VEPH1: variants seen among roughly 807,000 people sequenced by gnomAD.
The protein encoded by VEPH1 is ventricular zone expressed PH domain containing 1.
A neutral mutation model predicts 85.2 loss-of-function variants in VEPH1; 80 were observed. The ratio of observed to expected loss-of-function variants is 0.94; its 90% confidence interval spans 0.78 to 1.13. The LOEUF (loss-of-function observed/expected upper bound fraction) is 1.13. Among genes scored for constraint, VEPH1 ranks in the 50% most tolerant of loss-of-function variants. The pLI is 0.00. For missense variants in VEPH1, 955 were observed against 980.5 expected (o/e 0.97, Z 0.35); for synonymous variants, 297 against 348.0 (o/e 0.85, Z 1.63).
rs377498015 is a variant in VEPH1 at position 157,470,306 on chromosome 3, T to A, written c.354+8A>T. 1 of 1,613,840 alleles carries A rather than the reference T, an allele frequency of 6.2e-7. No homozygotes were observed. Among genetic ancestry groups the A allele is most frequent in the Non-Finnish European group, 8.5e-7 (1 of 1,179,892 alleles). Reference sequence around the variant, plus strand: ...TATCAAATAGCCTGATGTTGAACACTGACATACCTGTAAAATGCAACTCAT... The same window carrying A: ...TATCAAATAGCCTGATGTTGAACACAGACATACCTGTAAAATGCAACTCAT... On this transcript the variant is annotated splice_region_variant and intron_variant, in intron 3 of 13. Coordinates refer to ENST00000362010, the MANE Select transcript of VEPH1 (RefSeq NM_001167912.2).
intron 7 of VEPH1, among the ~76,000 whole-genome samples, chr3:157,368,596 A>C (rs1288939257): frequency 6.6e-6 from 1 of 151,868 alleles, no homozygotes; most frequent in Non-Finnish European, 1.5e-5. Flanking sequence ...GGTTCATGCC[A>C]TTCTCCCACC....
intron 11 of VEPH1, 143 bp from the exon 12 acceptor site, chr3:157,286,817 T>G: frequency 1.5e-6 from 1 of 672,800 alleles, no homozygotes; most frequent in Non-Finnish European, 2.5e-6. Flanking sequence ...TTGAAAAAAT[T>G]TCTCTTGGCC....
chr3:157,389,619 A>G (rs1406306283), intron 6 of VEPH1, among the ~76,000 whole-genome samples: 1 of 150,016 alleles, frequency 6.7e-6, no homozygotes, highest in Non-Finnish European at 1.5e-5. Context: ...AAATAGATGG[A>G]TAGGTAAGCA....
chr3:157,341,785 G>A (rs2108650969), intron 9 of VEPH1, among the ~76,000 whole-genome samples: 1 of 152,018 alleles, frequency 6.6e-6, no homozygotes, highest in Middle Eastern at 3.4e-3. Context: ...GAAAGGTCGG[G>A]TTACCCACAA....
At chr3:157,466,388 T>G (rs11709669) in intron 3 of VEPH1, among the ~76,000 whole-genome samples, 60,687 of 151,934 alleles carry the variant, frequency 0.4, 12,394 homozygotes, top group African/African-American at 0.46. Context: ...CACCACCAAT[T>G]GGAAGTACTA....
chr3:157,363,831 A>G, intron 8 of VEPH1, 70 bp from the exon 9 acceptor site: 1 of 1,533,500 alleles, frequency 6.5e-7, no homozygotes. Context: ...AGAAATAATA[A>G]TAATATTGGG....
rs144523199 is a variant in VEPH1 at position 157,460,172 on chromosome 3, G to A, written c.529+9C>T. 73 of 1,614,058 alleles carry A rather than the reference G, an allele frequency of 4.5e-5. No individual in the cohort carries two copies. Among genetic ancestry groups the A allele is most frequent in the Admixed American group, 3.2e-4 (19 of 60,010 alleles). ...AAACATGTCCCCAAGCTCAACTTTC[G>A]CACCATACCTTGGAGTATGCTCTTT... On this transcript the variant is annotated intron_variant, in intron 4 of 13. Coordinates refer to ENST00000362010, the MANE Select transcript of VEPH1 (RefSeq NM_001167912.2).
chr3:157,289,079 C>G (rs1717149513), intron 11 of VEPH1, among the ~76,000 whole-genome samples: 1 of 151,994 alleles, frequency 6.6e-6, no homozygotes, highest in African/African-American at 2.4e-5. Context: ...GGATACAATC[C>G]ATATTAAAAT....
intron 11 of VEPH1, among the ~76,000 whole-genome samples, chr3:157,295,841 G>C (rs1178053339): frequency 6.6e-6 from 1 of 152,142 alleles, no homozygotes; most frequent in East Asian, 1.9e-4. Context: ...TGTCGTCCCA[G>C]CTACCCAGGA....
intron 10 of VEPH1, among the ~76,000 whole-genome samples, chr3:157,315,054 A>G (rs914436263): frequency 7.9e-5 from 12 of 152,116 alleles, no homozygotes; most frequent in African/African-American, 2.9e-4. Context: ...AATGTGATAT[A>G]AAGGATCCTT....
intron 2 of VEPH1, among the ~76,000 whole-genome samples, chr3:157,484,871 C>T (rs1468861419): frequency 6.6e-6 from 1 of 152,048 alleles, no homozygotes; most frequent in African/African-American, 2.4e-5. Context: ...CAAGAGAGTC[C>T]TATACAGGAT....
intron 11 of VEPH1, among the ~76,000 whole-genome samples, chr3:157,307,925 A>G (rs933643926): frequency 2.6e-5 from 4 of 151,506 alleles, no homozygotes; most frequent in Admixed American, 2.0e-4. Context: ...AGCTTTTCTT[A>G]TATTTATTCC....
intron 5 of VEPH1, among the ~76,000 whole-genome samples, chr3:157,424,226 A>G (rs181639463): frequency 8.5e-5 from 13 of 152,284 alleles, no homozygotes; most frequent in East Asian, 5.8e-4. Context: ...ATTTTCTCTT[A>G]CTGCCACCAT....
rs1733614617 is a variant in VEPH1 at position 157,436,835 on chromosome 3, C to T, written c.530-8347G>A. 15 of 1,294,852 alleles carry T rather than the reference C, an allele frequency of 1.2e-5. No individual in the cohort carries two copies. The South Asian group carries it at 2.0e-4, about 18-fold the overall frequency. 80.2% of individuals were successfully genotyped at this position (1,294,852 alleles called of 1,614,324 possible). A position where few individuals can be genotyped will look rare whatever the true frequency, so the allele number is the denominator to read the frequency against. On this transcript the variant is annotated intron_variant, in intron 4 of 13. Transcript: ENST00000362010. ...TTCCTCAGCATTTATTAAGGACTCT[C>T]TGCTCCAGCCTCTCACTCTCACTCT... is the stretch of plus-strand genomic sequence containing the variant.
At chr3:157,454,653 C>A (rs1171848669) in intron 4 of VEPH1, among the ~76,000 whole-genome samples, 1 of 152,072 alleles carries the variant, frequency 6.6e-6, no homozygotes, top group East Asian at 1.9e-4. Flanking sequence ...AGGTTTCTTA[C>A]AAGGCTATAT....
intron 9 of VEPH1, among the ~76,000 whole-genome samples, chr3:157,354,736 A>G (rs1725242551): frequency 6.6e-6 from 1 of 152,080 alleles, no homozygotes; most frequent in African/African-American, 2.4e-5. Flanking sequence ...CCAAGAAGGG[A>G]GAGATTTGCT....
At chr3:157,334,125 T>C (rs944011264) in intron 9 of VEPH1, among the ~76,000 whole-genome samples, 3 of 152,224 alleles carry the variant, frequency 2.0e-5, no homozygotes, top group African/African-American at 7.2e-5. Flanking sequence ...AGAAGTGGCC[T>C]TTAGCAACTA....
chr3:157,383,122 T>A (rs1728947489), intron 6 of VEPH1, among the ~76,000 whole-genome samples: 1 of 152,132 alleles, frequency 6.6e-6, no homozygotes, highest in Non-Finnish European at 1.5e-5. Flanking sequence ...AGCCACCGTG[T>A]CCAGCCAAAA....
intron 4 of VEPH1, among the ~76,000 whole-genome samples, chr3:157,441,046 G>C (rs2109228417): frequency 6.6e-6 from 1 of 152,312 alleles, no homozygotes; most frequent in Middle Eastern, 3.4e-3. Flanking sequence ...AGAATATTAG[G>C]AGCAGAATGG....
Sources: allele counts gnomAD v4.1 joint callset (sites outside exome capture counted in the v4.1 genomes callset), GRCh38; gene constraint gnomAD v4.1.1; transcripts MANE v1.5; gene names NCBI Gene and HGNC (gene_info 2026-07-23, HGNC 2026-07-21).